EXOC6B: variants seen among roughly 807,000 people sequenced by gnomAD.
The protein encoded by EXOC6B is exocyst complex component 6B.
Under a neutral mutation model 113.5 loss-of-function variants are expected in EXOC6B, and 54 were observed. The ratio of observed to expected loss-of-function variants is 0.48; its 90% CI spans 0.38 to 0.60. The LOEUF is 0.60. Among genes scored for constraint, EXOC6B ranks in the 20% least tolerant of loss-of-function variants. The pLI is 0.00. For missense variants in EXOC6B, 797 were observed against 977.5 expected (o/e 0.82, Z 2.46); for synonymous variants, 357 against 339.0 (o/e 1.05, Z -0.58).
intron 8 of EXOC6B, among the ~76,000 whole-genome samples, chr2:72,540,031 A>T (rs1360416361): frequency 7.0e-6 from 1 of 142,408 alleles, no homozygotes. Context: ...CCCACCTATG[A>T]GAGAATATGC....
intron 20 of EXOC6B, among the ~76,000 whole-genome samples, chr2:72,310,355 T>C (rs1687111793): frequency 1.3e-5 from 2 of 152,194 alleles, no homozygotes; most frequent in African/African-American, 2.4e-5. Flanking sequence ...TGGTATCTCA[T>C]TGTGGCTTTG....
At chr2:72,719,367 A>C (rs1316105509) in intron 5 of EXOC6B, among the ~76,000 whole-genome samples, 1 of 152,240 alleles carries the variant, frequency 6.6e-6, no homozygotes, top group Non-Finnish European at 1.5e-5. Context: ...CCAAAGGACT[A>C]ATCAGAAATT....
At chr2:72,540,369 A>T (rs942843851) in intron 8 of EXOC6B, among the ~76,000 whole-genome samples, 2 of 152,178 alleles carry the variant, frequency 1.3e-5, no homozygotes, top group Non-Finnish European at 2.9e-5. Context: ...AAAAAAACTC[A>T]TGTAGCCTTT....
intron 20 of EXOC6B, among the ~76,000 whole-genome samples, chr2:72,214,480 G>C (rs1396602145): frequency 8.2e-6 from 1 of 121,886 alleles, no homozygotes; most frequent in African/African-American, 4.1e-5. Context: ...GACTGAGTGA[G>C]ACTTGTCAAA....
At chr2:72,743,513 T>A (rs1248314266) in intron 1 of EXOC6B, among the ~76,000 whole-genome samples, 9 of 152,114 alleles carry the variant, frequency 5.9e-5, no homozygotes. Flanking sequence ...CTTATACTAG[T>A]AATGCTCATC....
rs557901871 is a variant in EXOC6B, at chr2:72,599,227, T to C, written c.670-23559A>G. 3.3e-5 allele frequency among the ~76,000 whole-genome samples: 5 copies of C among 152,262 alleles called. No individual in the cohort carries two copies. In the South Asian group the frequency reaches 8.3e-4, roughly 25 times the overall value. The stretch of plus-strand genomic sequence containing the variant: ...ACATCACAACAAGTAAGGCTTGTTA[T>C]AGGTGTGTAAGGCTGGTTTGACATT... On this transcript the variant is annotated intron_variant, in intron 6 of 21. Transcript: ENST00000272427.
intron 20 of EXOC6B, among the ~76,000 whole-genome samples, chr2:72,233,669 C>T (rs1294229804): frequency 6.6e-6 from 1 of 152,182 alleles, no homozygotes; most frequent in Non-Finnish European, 1.5e-5. Context: ...GTGCCATAGC[C>T]TCAACAGAAG....
intron 20 of EXOC6B, among the ~76,000 whole-genome samples, chr2:72,241,134 AT>A (rs1163191449): frequency 1.3e-5 from 2 of 152,234 alleles, no homozygotes; most frequent in African/African-American, 4.8e-5. Flanking sequence ...AATGGACAAC[AT>A]GCAAGACCAC....
intron 1 of EXOC6B, among the ~76,000 whole-genome samples, chr2:72,812,757 A>C (rs893156229): frequency 7.2e-5 from 11 of 152,038 alleles, no homozygotes; most frequent in Non-Finnish European, 8.8e-5. Context: ...ATTAGCTAAA[A>C]CTTTTGATAA....
intron 5 of EXOC6B, among the ~76,000 whole-genome samples, chr2:72,727,001 T>C (rs1329629983): frequency 6.6e-6 from 1 of 152,126 alleles, no homozygotes; most frequent in Non-Finnish European, 1.5e-5. Flanking sequence ...TGTGTATAGG[T>C]TGTACGCAAA....
At chr2:72,646,354 T>C (rs1033389592) in intron 6 of EXOC6B, among the ~76,000 whole-genome samples, 4 of 152,080 alleles carry the variant, frequency 2.6e-5, no homozygotes, top group Admixed American at 2.6e-4. Context: ...AGCTGGGTTC[T>C]ACCAGAGGTA....
intron 20 of EXOC6B, among the ~76,000 whole-genome samples, chr2:72,242,130 T>C (rs1682351602): frequency 6.6e-6 from 1 of 152,162 alleles, no homozygotes; most frequent in African/African-American, 2.4e-5. Flanking sequence ...AGGTCGAGGC[T>C]GCAGTGAGCT....
chr2:72,320,080 C>T (rs549753784), intron 20 of EXOC6B, among the ~76,000 whole-genome samples: 20 of 151,886 alleles, frequency 1.3e-4, no homozygotes, highest in Non-Finnish European at 2.9e-4. Flanking sequence ...CGTGATCCAT[C>T]CACCTCAGCC....
intron 8 of EXOC6B, among the ~76,000 whole-genome samples, chr2:72,518,483 GGTGTGTGTGT>G (rs138382972): frequency 1.4e-5 from 2 of 143,378 alleles, no homozygotes; most frequent in Admixed American, 7.0e-5. Flanking sequence ...ATTAAAGTAG[GGTGTGTGTGT>G]GTGTGTGTGT....
intron 1 of EXOC6B, among the ~76,000 whole-genome samples, chr2:72,776,797 G>T (rs1267406133): frequency 1.3e-5 from 2 of 151,762 alleles, no homozygotes; most frequent in East Asian, 1.9e-4. Flanking sequence ...GAAAGAGAAA[G>T]AAGTTGGAAG....
chr2:72,590,717 T>C (rs1705887790), intron 6 of EXOC6B, among the ~76,000 whole-genome samples: 1 of 152,078 alleles, frequency 6.6e-6, no homozygotes, highest in African/African-American at 2.4e-5. Context: ...GGTATATTTT[T>C]ATGGACCACA....
At chr2:72,630,132 A>G (rs1308535666) in intron 6 of EXOC6B, among the ~76,000 whole-genome samples, 1 of 152,174 alleles carries the variant, frequency 6.6e-6, no homozygotes, top group Non-Finnish European at 1.5e-5. Context: ...TCAGGACTGG[A>G]GCAAAAGGTT....
At chr2:72,547,636 C>A (rs1453025898) in intron 8 of EXOC6B, among the ~76,000 whole-genome samples, 1 of 152,110 alleles carries the variant, frequency 6.6e-6, no homozygotes, top group East Asian at 1.9e-4. Flanking sequence ...GAGGAGTGAA[C>A]TGAAAGCAGA....
At chr2:72,824,991 C>T (rs1415826150) in intron 1 of EXOC6B, among the ~76,000 whole-genome samples, 1 of 152,290 alleles carries the variant, frequency 6.6e-6, no homozygotes, top group South Asian at 2.1e-4. Context: ...TAGAACCTAC[C>T]TAATACGGTT....
Sources: allele counts gnomAD v4.1 joint callset (sites outside exome capture counted in the v4.1 genomes callset), GRCh38; gene constraint gnomAD v4.1.1; transcripts MANE v1.5; gene names NCBI Gene and HGNC (gene_info 2026-07-23, HGNC 2026-07-21).